The following GRIK4 variants were observed in gnomAD, a reference collection of about 807,000 sequenced individuals.
GRIK4 encodes glutamate ionotropic receptor kainate type subunit 4.
Under a neutral mutation model 104.9 loss-of-function variants are expected in GRIK4, and 40 were observed. The observed-to-expected ratio is 0.38, with a 90% CI of 0.30 to 0.50. The LOEUF is 0.50. Among genes scored for constraint, GRIK4 ranks in the 20% least tolerant of loss-of-function variants. The pLI, the probability that GRIK4 is intolerant of heterozygous loss-of-function variation, is 0.93. For synonymous variants in GRIK4, 485 were observed against 524.9 expected, an observed-to-expected ratio of 0.92 and a Z score of 1.04; for missense variants, 1,047 against 1,308.1, an observed-to-expected ratio of 0.80 and a Z score of 3.08.
chr11:120,925,162 A>G (rs1016250865), intron 13 of GRIK4, among the ~76,000 whole-genome samples: 3 of 152,192 alleles, frequency 2.0e-5, no homozygotes, highest in Admixed American at 1.3e-4. Flanking sequence ...GAAGTTCTCT[A>G]TGGCTGTGGG....
chr11:120,960,168 A>C (rs1944257278), intron 16 of GRIK4, among the ~76,000 whole-genome samples: 1 of 152,248 alleles, frequency 6.6e-6, no homozygotes, highest in Admixed American at 6.5e-5. Context: ...GTCTCTACTA[A>C]GAATACAAAA....
chr11:120,706,891 G>T (rs4451741), intron 3 of GRIK4, among the ~76,000 whole-genome samples: 18,184 of 152,032 alleles, frequency 0.12, 2,298 homozygotes, highest in African/African-American at 0.32. Flanking sequence ...TTATTTGTTA[G>T]GATCACCATA....
At chr11:120,767,280 G>A (rs1951856085) in intron 3 of GRIK4, among the ~76,000 whole-genome samples, 1 of 152,104 alleles carries the variant, frequency 6.6e-6, no homozygotes, top group African/African-American at 2.4e-5. Context: ...GTTTTAATTT[G>A]TATTTCCCTG....
intron 6 of GRIK4, among the ~76,000 whole-genome samples, chr11:120,821,413 G>A (rs930839269): frequency 6.6e-6 from 1 of 152,204 alleles, no homozygotes; most frequent in Non-Finnish European, 1.5e-5. Flanking sequence ...GTAGGTTGGA[G>A]CCTAGAGTCC....
Position 120,982,141 on chromosome 11 carries a change from GTTC to G in GRIK4, c.2434_2436del (p.Leu812del). ...GGAGAATATTGGTGGAATCTTTGTG[GTTC>G]TTATTTGTGGCTTAATCGTGGCCAT... On this transcript the variant is annotated inframe_deletion, in exon 20 of 21. Transcript: ENST00000527524. 1 of 1,612,844 alleles carries G rather than the reference GTTC, an allele frequency of 6.2e-7. No individual in the cohort carries two copies. Among genetic ancestry groups the G allele is most frequent in the Non-Finnish European group, 8.5e-7 (1 of 1,178,862 alleles).
intron 7 of GRIK4, among the ~76,000 whole-genome samples, chr11:120,834,816 T>C (rs191679759): frequency 2.5e-4 from 38 of 152,346 alleles, no homozygotes; most frequent in African/African-American, 8.4e-4. Flanking sequence ...GGATCTCTTG[T>C]CTTTTATCTC....
At chr11:120,770,420 G>A (rs1951919822) in intron 3 of GRIK4, among the ~76,000 whole-genome samples, 1 of 152,120 alleles carries the variant, frequency 6.6e-6, no homozygotes, top group African/African-American at 2.4e-5. Context: ...TCTTTTAGTG[G>A]CAAACTGTTT....
chr11:120,614,312 G>A (rs1444097720), intron 1 of GRIK4, among the ~76,000 whole-genome samples: 2 of 152,212 alleles, frequency 1.3e-5, no homozygotes, highest in Non-Finnish European at 2.9e-5. Context: ...GACAGGGAAG[G>A]GAAAGAAGAC....
At chr11:120,545,827 T>C (rs1948080617) in intron 1 of GRIK4, among the ~76,000 whole-genome samples, 1 of 152,232 alleles carries the variant, frequency 6.6e-6, no homozygotes, top group Non-Finnish European at 1.5e-5. Context: ...GTTCTTTAAC[T>C]CAGGCTTGAT....
At chr11:120,959,008 G>A (rs1203805531) in intron 16 of GRIK4, among the ~76,000 whole-genome samples, 1 of 152,198 alleles carries the variant, frequency 6.6e-6, no homozygotes, top group African/African-American at 2.4e-5. Flanking sequence ...GATAGGGAAG[G>A]CAGAAGGAGG....
At chr11:120,672,596 T>G (rs946974849) in intron 3 of GRIK4, among the ~76,000 whole-genome samples, 1 of 152,244 alleles carries the variant, frequency 6.6e-6, no homozygotes, top group Admixed American at 6.5e-5. Context: ...GTGTCCTCTC[T>G]TATTTCCTTG....
chr11:120,907,867 G>A (rs916363645), intron 13 of GRIK4, among the ~76,000 whole-genome samples: 4 of 152,164 alleles, frequency 2.6e-5, no homozygotes, highest in South Asian at 2.1e-4. Flanking sequence ...GCTGAAGGCC[G>A]TTGGTGTGCC....
chr11:120,936,196 G>T, intron 13 of GRIK4: 2 of 338,686 alleles, frequency 5.9e-6, no homozygotes, highest in South Asian at 2.6e-5. Context: ...ATATCCTTTG[G>T]CATTTTTCCT....
chr11:120,857,984 T>C (rs1420539135), intron 8 of GRIK4, among the ~76,000 whole-genome samples: 2 of 152,178 alleles, frequency 1.3e-5, no homozygotes, highest in Non-Finnish European at 2.9e-5. Flanking sequence ...CTTTACCAGG[T>C]CCCATTTGCT....
At chr11:120,558,275 T>A (rs1948206689) in intron 1 of GRIK4, among the ~76,000 whole-genome samples, 1 of 152,010 alleles carries the variant, frequency 6.6e-6, no homozygotes, top group Non-Finnish European at 1.5e-5. Context: ...TGTCAGCTCC[T>A]TTTCCTATAT....
chr11:120,608,292 G>T (rs1673346834), intron 1 of GRIK4, among the ~76,000 whole-genome samples: 1 of 152,326 alleles, frequency 6.6e-6, no homozygotes, highest in Admixed American at 6.5e-5. Context: ...TTTGAGACCA[G>T]CCTGGACAAT....
At chr11:120,677,723 C>T (rs1006629558) in intron 3 of GRIK4, among the ~76,000 whole-genome samples, 2 of 152,136 alleles carry the variant, frequency 1.3e-5, no homozygotes, top group African/African-American at 2.4e-5. Flanking sequence ...GTCCAGGGAC[C>T]GTGGGGACAT....
chr11:120,805,803 C>A (rs889548780), intron 4 of GRIK4, among the ~76,000 whole-genome samples: 1 of 152,060 alleles, frequency 6.6e-6, no homozygotes, highest in African/African-American at 2.4e-5. Context: ...TTGGCTATTG[C>A]AGGGTGGGGC....
rs1288334341 is a variant in GRIK4, at chr11:120,987,453, G to A, written c.*1193G>A. On this transcript the variant is annotated 3_prime_UTR_variant, in exon 21 of 21. Coordinates refer to ENST00000527524, the MANE Select transcript of GRIK4 (RefSeq NM_014619.5). ...GAGACCTGGGTGCAAGTGTATGTGT[G>A]TGTATGTGTGCGCGCGTGTGCGTGT... 6.6e-6 allele frequency: 1 copy of A among 151,678 alleles called. No individual in the cohort carries two copies. Among genetic ancestry groups the A allele is most frequent in the Non-Finnish European group, 1.5e-5 (1 of 68,036 alleles). 9.4% of individuals were successfully genotyped at this position (151,678 alleles called of 1,614,324 possible). A position where few individuals can be genotyped will look rare whatever the true frequency, so the allele number is the denominator to read the frequency against.
Sources: allele counts gnomAD v4.1 joint callset (sites outside exome capture counted in the v4.1 genomes callset), GRCh38; gene constraint gnomAD v4.1.1; transcripts MANE v1.5; gene names NCBI Gene and HGNC (gene_info 2026-07-23, HGNC 2026-07-21).